Variants in FOCAD observed in about 807,000 individuals in gnomAD.
The protein encoded by FOCAD is focadhesin, also known as KIAA1797.
Under a neutral mutation model 225.6 loss-of-function variants are expected in FOCAD, and 198 were observed. The observed-to-expected ratio is 0.88, with a 90% confidence interval of 0.78 to 0.99. The LOEUF (loss-of-function observed/expected upper bound fraction) is 0.99. Ranked by LOEUF, FOCAD falls within the 50% of genes least tolerant of loss-of-function variation. The probability of loss-of-function intolerance (pLI) is 0.00; values close to 1 mark genes in which losing one functional copy is unlikely to be tolerated. For synonymous variants in FOCAD, 897 were observed against 755.0 expected, an observed-to-expected ratio of 1.19 and a Z score of -3.08; for missense variants, 2,713 against 2,123.6, an observed-to-expected ratio of 1.28 and a Z score of -5.46.
intron 18 of FOCAD, among the ~76,000 whole-genome samples, chr9:20,870,779 A>T (rs547020462): frequency 1.1e-4 from 17 of 152,304 alleles, no homozygotes; most frequent in African/African-American, 3.6e-4. Flanking sequence ...CTAAGCTATG[A>T]TGTTTGATAG....
intron 1 of FOCAD, among the ~76,000 whole-genome samples, chr9:20,685,808 A>G (rs1012909796): frequency 1.3e-5 from 2 of 152,186 alleles, no homozygotes; most frequent in African/African-American, 2.4e-5. Context: ...CTGGATTTTA[A>G]CTGATTGTTG....
At chr9:20,676,383 T>G (rs1488529313) in intron 2 of FOCAD, among the ~76,000 whole-genome samples, 1 of 152,216 alleles carries the variant, frequency 6.6e-6, no homozygotes, top group Non-Finnish European at 1.5e-5. Flanking sequence ...ACTTCTGGAA[T>G]GAGAAGAACC....
At chr9:20,857,237 A>G (rs1343405740) in intron 15 of FOCAD, among the ~76,000 whole-genome samples, 1 of 151,846 alleles carries the variant, frequency 6.6e-6, no homozygotes, top group Non-Finnish European at 1.5e-5. Flanking sequence ...ATATCTTTCA[A>G]TTTGTTTTTT....
chr9:20,771,908 G>A (rs1818273896), intron 8 of FOCAD, among the ~76,000 whole-genome samples: 1 of 152,200 alleles, frequency 6.6e-6, no homozygotes, highest in Non-Finnish European at 1.5e-5. Flanking sequence ...GAGCTCTGTG[G>A]TGTCTTATGA....
At chr9:20,955,387 C>T (rs544273238) in intron 35 of FOCAD, among the ~76,000 whole-genome samples, 2 of 152,266 alleles carry the variant, frequency 1.3e-5, no homozygotes, top group Admixed American at 1.3e-4. Context: ...GACTTTAGTA[C>T]TCATGTGATA....
intron 8 of FOCAD, among the ~76,000 whole-genome samples, chr9:20,778,108 A>C (rs1377932693): frequency 2.8e-5 from 4 of 145,294 alleles, no homozygotes; most frequent in Admixed American, 2.1e-4. Context: ...AAAAAAAAAA[A>C]AAAAAGATTG....
chr9:20,959,209 T>C (rs1838475471), intron 35 of FOCAD, among the ~76,000 whole-genome samples: 1 of 152,146 alleles, frequency 6.6e-6, no homozygotes, highest in Admixed American at 6.5e-5. Flanking sequence ...GTTTTTTGTT[T>C]GTTTGTTTGT....
chr9:20,722,920 A>G (rs1158008990), intron 4 of FOCAD, among the ~76,000 whole-genome samples: 2 of 152,156 alleles, frequency 1.3e-5, no homozygotes, highest in Admixed American at 1.3e-4. Flanking sequence ...TAGTTGTACT[A>G]TTTATATTCA....
chr9:20,726,790 G>A (rs926213479), intron 4 of FOCAD, among the ~76,000 whole-genome samples: 2 of 152,136 alleles, frequency 1.3e-5, no homozygotes, highest in East Asian at 1.9e-4. Flanking sequence ...CTGTTCCTTG[G>A]GAAACTTAAT....
chr9:20,683,389 T>C (rs534330472), upstream of FOCAD: 45 of 152,280 alleles, frequency 3.0e-4, no homozygotes, highest in African/African-American at 9.4e-4. Context: ...TTGTCTTAAC[T>C]CTTTCATCTT....
intron 16 of FOCAD, 47 bp from the exon 17 acceptor site, chr9:20,865,879 T>G (rs761576427): frequency 2.1e-6 from 3 of 1,415,292 alleles, no homozygotes; most frequent in Non-Finnish European, 2.9e-6. Flanking sequence ...TAGTCTCAGT[T>G]TTAGCTTGGT....
At chr9:20,785,077 A>G (rs1819777576) in intron 10 of FOCAD, among the ~76,000 whole-genome samples, 2 of 152,108 alleles carry the variant, frequency 1.3e-5, no homozygotes, top group Non-Finnish European at 2.9e-5. Context: ...CTTCATTTTA[A>G]GTACTTTGGT....
At chr9:20,791,344 A>G (rs1820519452) in intron 11 of FOCAD, among the ~76,000 whole-genome samples, 1 of 151,894 alleles carries the variant, frequency 6.6e-6, no homozygotes, top group African/African-American at 2.4e-5. Context: ...TTTCCCCTTT[A>G]TTTTTAGTTC....
chr9:20,678,141 T>A (rs560643536), intron 2 of FOCAD, among the ~76,000 whole-genome samples: 1 of 152,198 alleles, frequency 6.6e-6, no homozygotes, highest in Non-Finnish European at 1.5e-5. Context: ...TCAAACATAT[T>A]CTATCCCTTG....
chr9:20,795,533 C>A (rs1820967961), intron 11 of FOCAD, among the ~76,000 whole-genome samples: 1 of 151,360 alleles, frequency 6.6e-6, no homozygotes, highest in Admixed American at 6.6e-5. Flanking sequence ...TGCCTGTAAT[C>A]CCAGCACTTT....
chr9:20,944,408 C>T (rs1836971727), intron 28 of FOCAD, among the ~76,000 whole-genome samples: 1 of 152,112 alleles, frequency 6.6e-6, no homozygotes, highest in Non-Finnish European at 1.5e-5. Context: ...ACAGCACTAG[C>T]ATGGGCCACA....
Position 20,789,483 on chromosome 9 carries a change from A to T in FOCAD, c.1330A>T (p.Ile444Phe), listed in dbSNP as rs776996920. 95 of 1,613,780 alleles carry T rather than the reference A, an allele frequency of 5.9e-5. No individual in the cohort carries two copies. The highest frequency in any genetic ancestry group is 6.7e-5 in the Non-Finnish European group (79 of 1,179,982). Residue 444 changes from isoleucine (I) to phenylalanine (F), a missense_variant, in exon 11 of 44, where the codon ATT becomes TTT. Coordinates refer to ENST00000338382, the MANE Select transcript of FOCAD (RefSeq NM_001375567.1). Reference sequence around the variant, plus strand: ...GGCTTCAGTAGAGTCATTGCTTCCTATTACTGCTGTGATCCCTGCGCCTGC... The same window carrying T: ...GGCTTCAGTAGAGTCATTGCTTCCTTTTACTGCTGTGATCCCTGCGCCTGC... ...WLASVESLLPITAVIPAPAFL... is the reference protein window; with the variant it reads ...WLASVESLLPFTAVIPAPAFL...
At chr9:20,925,065 A>C (rs767769013) in intron 25 of FOCAD, among the ~76,000 whole-genome samples, 48 of 152,204 alleles carry the variant, frequency 3.2e-4, no homozygotes, top group Non-Finnish European at 3.7e-4. Context: ...CCATGGATAT[A>C]TATTACATGT....
chr9:20,837,647 T>C (rs1210317019), intron 15 of FOCAD, among the ~76,000 whole-genome samples: 1 of 152,072 alleles, frequency 6.6e-6, no homozygotes, highest in Non-Finnish European at 1.5e-5. Flanking sequence ...TTGAAAAGGT[T>C]TTGGAATTTG....
Sources: gnomAD v4.1 joint callset for allele counts (sites outside exome capture counted in the v4.1 genomes callset) on GRCh38, gnomAD v4.1.1 for gene constraint, MANE v1.5 for transcripts, NCBI Gene and HGNC (gene_info 2026-07-23, HGNC 2026-07-21) for gene names.